The following PPP1R1C variants were observed in gnomAD, a reference collection of about 807,000 sequenced individuals.
The protein encoded by PPP1R1C is protein phosphatase 1 regulatory inhibitor subunit 1C.
A neutral mutation model predicts 17.4 loss-of-function variants in PPP1R1C; 15 were observed. The observed-to-expected ratio is 0.86, with a 90% confidence interval of 0.58 to 1.33. The LOEUF is 1.33. Among genes scored for constraint, PPP1R1C ranks in the 40% most tolerant of loss-of-function variants. The pLI, the probability that PPP1R1C is intolerant of heterozygous loss-of-function variation, is 0.00. For synonymous variants in PPP1R1C, 35 were observed against 43.1 expected, an observed-to-expected ratio of 0.81 and a Z score of 0.73; for missense variants, 143 against 130.0, an observed-to-expected ratio of 1.10 and a Z score of -0.48.
chr2:181,972,087 A>G (rs1685020875), intron 1 of PPP1R1C, among the ~76,000 whole-genome samples: 1 of 152,166 alleles, frequency 6.6e-6, no homozygotes, highest in South Asian at 2.1e-4. Flanking sequence ...GTGAATAGTC[A>G]TTTAATTTGG....
At chr2:182,041,335 G>A (rs773567452) in intron 2 of PPP1R1C, among the ~76,000 whole-genome samples, 5 of 152,238 alleles carry the variant, frequency 3.3e-5, no homozygotes, top group Middle Eastern at 3.4e-3. Flanking sequence ...CAGGCCTGGC[G>A]TGGTAGCTCA....
intron 5 of PPP1R1C, among the ~76,000 whole-genome samples, chr2:182,123,314 C>G (rs556834349): frequency 6.6e-6 from 1 of 152,218 alleles, no homozygotes; most frequent in African/African-American, 2.4e-5. Context: ...AATAAACATA[C>G]GTGTGCGTGT....
At chr2:182,110,190 C>A (rs997942464) in intron 4 of PPP1R1C, among the ~76,000 whole-genome samples, 1 of 151,890 alleles carries the variant, frequency 6.6e-6, no homozygotes, top group African/African-American at 2.4e-5. Flanking sequence ...CTGATTTGAT[C>A]ATTTCAAAAT....
At chr2:182,073,488 T>A (rs1290859097) in intron 4 of PPP1R1C, among the ~76,000 whole-genome samples, 1 of 152,256 alleles carries the variant, frequency 6.6e-6, no homozygotes, top group Non-Finnish European at 1.5e-5. Context: ...GTCTTCCAGG[T>A]CATTTATTAG....
intron 2 of PPP1R1C, among the ~76,000 whole-genome samples, chr2:182,033,868 G>A (rs1686920415): frequency 6.6e-6 from 1 of 152,134 alleles, no homozygotes; most frequent in African/African-American, 2.4e-5. Context: ...GCTTTGAACT[G>A]CTTCTAGGTA....
At chr2:181,990,640 C>A (rs1477032137) in intron 2 of PPP1R1C, among the ~76,000 whole-genome samples, 1 of 152,148 alleles carries the variant, frequency 6.6e-6, no homozygotes, top group African/African-American at 2.4e-5. Flanking sequence ...AAAGATATAA[C>A]AAGAAAAACA....
chr2:182,050,752 C>T (rs571130254), intron 2 of PPP1R1C, among the ~76,000 whole-genome samples: 6 of 152,246 alleles, frequency 3.9e-5, no homozygotes, highest in Non-Finnish European at 5.9e-5. Context: ...CGGCAAAAAG[C>T]ACAGTATAAA....
chr2:182,032,361 A>G (rs948467333), intron 2 of PPP1R1C, among the ~76,000 whole-genome samples: 4 of 152,204 alleles, frequency 2.6e-5, no homozygotes, highest in Non-Finnish European at 5.9e-5. Context: ...TTAGTTTGCA[A>G]ACCCATTACT....
At chr2:182,109,715 T>C (rs1409986735) in intron 4 of PPP1R1C, among the ~76,000 whole-genome samples, 12 of 152,172 alleles carry the variant, frequency 7.9e-5, no homozygotes, top group Admixed American at 7.9e-4. Context: ...TTGTCTGTTT[T>C]TTCACCACAC....
intron 2 of PPP1R1C, among the ~76,000 whole-genome samples, chr2:182,031,490 T>C (rs1306344901): frequency 6.6e-6 from 1 of 152,206 alleles, no homozygotes; most frequent in East Asian, 1.9e-4. Flanking sequence ...AACTTAGTTA[T>C]AGCCTGGAGA....
intron 4 of PPP1R1C, among the ~76,000 whole-genome samples, chr2:182,101,623 G>T (rs1292162680): frequency 6.6e-6 from 1 of 152,196 alleles, no homozygotes; most frequent in Non-Finnish European, 1.5e-5. Flanking sequence ...TTGAGTAACT[G>T]TTTCTTGCTC....
At chr2:181,979,333 A>G (rs1265807613) in intron 2 of PPP1R1C, among the ~76,000 whole-genome samples, 1 of 152,196 alleles carries the variant, frequency 6.6e-6, no homozygotes, top group Non-Finnish European at 1.5e-5. Flanking sequence ...TTCATTAAAT[A>G]ACTATATTCT....
At chr2:182,030,033 G>T (rs1212763365) in intron 2 of PPP1R1C, among the ~76,000 whole-genome samples, 1 of 110,288 alleles carries the variant, frequency 9.1e-6, no homozygotes, top group Non-Finnish European at 1.8e-5. Flanking sequence ...CATTCTTCAC[G>T]TAGTTCTCGA....
chr2:182,016,308 C>T (rs531905736), intron 2 of PPP1R1C, among the ~76,000 whole-genome samples: 15 of 152,292 alleles, frequency 9.8e-5, no homozygotes, highest in African/African-American at 3.6e-4. Context: ...ATGCCTCTTT[C>T]AGTGATATGA....
chr2:181,967,089 A>G lies in PPP1R1C; in HGVS notation n.112-8130A>G, dbSNP rs1389554287. Among the ~76,000 whole-genome samples the G allele has an allele frequency of 2.0e-5, 3 of 152,116 alleles. No homozygotes were observed. The highest frequency in any genetic ancestry group is 7.2e-5 in the African/African-American group (3 of 41,446). The stretch of plus-strand genomic sequence containing the variant: ...TCTAGGTTTTCCAATTTATTGGCAT[A>G]TGGTTGCTCATAGTGGTCTCTAATC... On this transcript the variant is annotated intron_variant and non_coding_transcript_variant, in intron 1 of 5. Transcript: ENST00000464264. This position sits in a 1 kb window ranked among gnomAD's most constrained non-coding sequence, Gnocchi z 5.5.
At chr2:182,024,127 G>C (rs899674794) in intron 2 of PPP1R1C, among the ~76,000 whole-genome samples, 1 of 152,106 alleles carries the variant, frequency 6.6e-6, no homozygotes, top group Non-Finnish European at 1.5e-5. Context: ...AAGCATGTAA[G>C]AATTAAAAAC....
At chr2:182,011,285 A>G (rs1157095905) in intron 2 of PPP1R1C, among the ~76,000 whole-genome samples, 2 of 152,038 alleles carry the variant, frequency 1.3e-5, no homozygotes, top group Admixed American at 6.6e-5. Context: ...AATGGCTTCA[A>G]TCTCATTACC....
chr2:182,023,258 A>G (rs2125164549), intron 2 of PPP1R1C, among the ~76,000 whole-genome samples: 1 of 152,354 alleles, frequency 6.6e-6, no homozygotes, highest in African/African-American at 2.4e-5. Flanking sequence ...AAGAAGAAAC[A>G]GTGAAATAAA....
At chr2:182,021,159 A>G (rs1018076857) in intron 2 of PPP1R1C, among the ~76,000 whole-genome samples, 1 of 152,086 alleles carries the variant, frequency 6.6e-6, no homozygotes, top group Non-Finnish European at 1.5e-5. Flanking sequence ...TTGGTAATTC[A>G]GGCAGAATCT....
Sources: gnomAD v4.1 joint callset for allele counts (sites outside exome capture counted in the v4.1 genomes callset) on GRCh38, gnomAD v4.1.1 for gene constraint, Gnocchi (gnomAD v3.1) non-coding constraint, MANE v1.5 for transcripts, NCBI Gene and HGNC (gene_info 2026-07-23, HGNC 2026-07-21) for gene names.